The following TRPC6 variants were observed in gnomAD, a reference collection of about 807,000 sequenced individuals.
TRPC6 encodes the protein transient receptor potential cation channel subfamily C member 6.
In TRPC6, 55 loss-of-function variants were observed where a neutral mutation model predicts 90.7. That is an observed-to-expected ratio of 0.61 (90% CI 0.49 to 0.76). The LOEUF is 0.76. Among genes scored for constraint, TRPC6 ranks in the 30% least tolerant of loss-of-function variants. The probability of loss-of-function intolerance (pLI) is 0.00; values close to 1 mark genes in which losing one functional copy is unlikely to be tolerated. For synonymous variants in TRPC6, 393 were observed against 393.0 expected, an observed-to-expected ratio of 1.00 and a Z score of 0.00; for missense variants, 989 against 1,122.7, an observed-to-expected ratio of 0.88 and a Z score of 1.70.
chr11:101,541,756 GA>G (rs1333726078), intron 1 of TRPC6, among the ~76,000 whole-genome samples: 2 of 151,418 alleles, frequency 1.3e-5, no homozygotes, highest in African/African-American at 4.8e-5. Flanking sequence ...CAGTGCAAAA[GA>G]AAAAAAAGTA....
intron 10 of TRPC6, among the ~76,000 whole-genome samples, chr11:101,467,487 G>GT (rs1859175770): frequency 6.6e-6 from 1 of 152,186 alleles, no homozygotes; most frequent in African/African-American, 2.4e-5. Context: ...TTGGATGTTG[G>GT]TGTGATTACT....
At chr11:101,466,606 G>A (rs1284448167) in intron 10 of TRPC6, among the ~76,000 whole-genome samples, 1 of 152,204 alleles carries the variant, frequency 6.6e-6, no homozygotes, top group Non-Finnish European at 1.5e-5. Flanking sequence ...TGCTGGCAGC[G>A]ATAATTTCAA....
At chr11:101,569,013 T>A (rs764530727) in intron 1 of TRPC6, among the ~76,000 whole-genome samples, 3 of 152,114 alleles carry the variant, frequency 2.0e-5, no homozygotes, top group African/African-American at 7.2e-5. Flanking sequence ...CATAACAATA[T>A]TGACCTTAAA....
intron 5 of TRPC6, among the ~76,000 whole-genome samples, chr11:101,481,609 C>T (rs1012084115): frequency 6.6e-6 from 1 of 152,142 alleles, no homozygotes; most frequent in African/African-American, 2.4e-5. Context: ...GAATCCACAG[C>T]TCTCCCTTCT....
intron 1 of TRPC6, among the ~76,000 whole-genome samples, chr11:101,567,809 AG>A (rs1377851659): frequency 6.6e-6 from 1 of 152,234 alleles, no homozygotes; most frequent in African/African-American, 2.4e-5. Context: ...ACAAACAGAA[AG>A]GAATAGTATT....
At chr11:101,522,298 A>G (rs555525638) in intron 1 of TRPC6, among the ~76,000 whole-genome samples, 1 of 152,158 alleles carries the variant, frequency 6.6e-6, no homozygotes, top group East Asian at 1.9e-4. Context: ...TTAAAAATGT[A>G]TATCACCTCC....
At chr11:101,513,469 T>C (rs897872269) in intron 1 of TRPC6, among the ~76,000 whole-genome samples, 24 of 152,258 alleles carry the variant, frequency 1.6e-4, no homozygotes, top group African/African-American at 5.3e-4. Context: ...AAAGAACTTA[T>C]ACATGTAAAA....
At chr11:101,530,812 C>A (rs553637718) in intron 1 of TRPC6, among the ~76,000 whole-genome samples, 2 of 152,174 alleles carry the variant, frequency 1.3e-5, no homozygotes, top group South Asian at 4.2e-4. Context: ...AAAACCAATG[C>A]ATCCACAAAA....
chr11:101,525,539 G>T (rs958780069), intron 1 of TRPC6, among the ~76,000 whole-genome samples: 4 of 152,210 alleles, frequency 2.6e-5, no homozygotes, highest in African/African-American at 9.6e-5. Flanking sequence ...GGATGAGTAT[G>T]AATTAGCCAG....
intron 1 of TRPC6, among the ~76,000 whole-genome samples, chr11:101,552,918 C>A (rs1332445985): frequency 1.3e-5 from 2 of 152,026 alleles, no homozygotes; most frequent in East Asian, 3.8e-4. Flanking sequence ...TTTCAAGTGG[C>A]AGAAATTAAG....
intron 1 of TRPC6, among the ~76,000 whole-genome samples, chr11:101,577,890 T>C (rs11224879): frequency 0.072 from 10,976 of 152,256 alleles, 530 homozygotes; most frequent in East Asian, 0.11. Flanking sequence ...TGGTGAAAGA[T>C]TCCCTGAAAG....
intron 1 of TRPC6, among the ~76,000 whole-genome samples, chr11:101,525,212 G>C (rs565383408): frequency 5.1e-4 from 78 of 152,334 alleles, no homozygotes; most frequent in African/African-American, 1.9e-3. Context: ...AGGTGGTAGA[G>C]CATTTTGGCT....
chr11:101,578,928 CTT>C (rs1331859331), intron 1 of TRPC6, among the ~76,000 whole-genome samples: 2 of 151,948 alleles, frequency 1.3e-5, no homozygotes, highest in Admixed American at 1.3e-4. Flanking sequence ...AGTATTTCCT[CTT>C]GTCTTTGGTG....
At chr11:101,530,340 G>C (rs1860882058) in intron 1 of TRPC6, among the ~76,000 whole-genome samples, 1 of 152,002 alleles carries the variant, frequency 6.6e-6, no homozygotes, top group Admixed American at 6.5e-5. Flanking sequence ...CAGATCCTAC[G>C]ACAGCTCAGA....
chr11:101,542,892 A>G (rs2136822746), intron 1 of TRPC6, among the ~76,000 whole-genome samples: 1 of 152,244 alleles, frequency 6.6e-6, no homozygotes, highest in Non-Finnish European at 1.5e-5. Flanking sequence ...CAAAGGTTTC[A>G]TAGATAGGAT....
rs929896379 is a variant in TRPC6 at position 101,575,925 on chromosome 11, T to C, written c.170+7409A>G. On this transcript the variant is annotated intron_variant, in intron 1 of 12. Coordinates refer to ENST00000344327, the MANE Select transcript of TRPC6 (RefSeq NM_004621.6). ...CTATGAAAAGGGAGAAGAGAAGGAA[T>C]GGGGGTGAGTGCGCTTTTGAAGAGC... 2.6e-5 allele frequency among the ~76,000 whole-genome samples: 4 copies of C among 152,216 alleles called. No homozygotes were observed. The East Asian group carries it at 5.8e-4, about 22-fold the overall frequency.
At chr11:101,537,381 GTTTA>G (rs1425776860) in intron 1 of TRPC6, among the ~76,000 whole-genome samples, 3 of 151,846 alleles carry the variant, frequency 2.0e-5, no homozygotes, top group African/African-American at 7.3e-5. Flanking sequence ...CTGAGAATGG[GTTTA>G]TTTTTTTTCT....
chr11:101,540,029 T>C (rs1861134874), intron 1 of TRPC6, among the ~76,000 whole-genome samples: 1 of 152,254 alleles, frequency 6.6e-6, no homozygotes, highest in Non-Finnish European at 1.5e-5. Context: ...CCTCTACTTA[T>C]GTCAAAATAC....
chr11:101,547,252 A>G (rs1861327741), intron 1 of TRPC6, among the ~76,000 whole-genome samples: 1 of 142,800 alleles, frequency 7.0e-6, no homozygotes, highest in African/African-American at 2.6e-5. Flanking sequence ...ATTACAAAGC[A>G]TTAATTATTT....
Sources: gnomAD v4.1 joint callset for allele counts (sites outside exome capture counted in the v4.1 genomes callset) on GRCh38, gnomAD v4.1.1 for gene constraint, MANE v1.5 for transcripts, NCBI Gene and HGNC (gene_info 2026-07-23, HGNC 2026-07-21) for gene names.